The following CHAF1A variants were observed in gnomAD, a reference collection of about 807,000 sequenced individuals.
CHAF1A encodes the protein CAF-1 subunit A.
CHAF1A carries 5 observed loss-of-function variants against 93.2 expected under a neutral mutation model. The ratio of observed to expected loss-of-function variants is 0.05; its 90% CI spans 0.03 to 0.11. The LOEUF is 0.11. Ranked by LOEUF, CHAF1A falls within the 10% of genes least tolerant of loss-of-function variation. CHAF1A has a pLI of 1.00. For missense variants in CHAF1A, 1,102 were observed against 1,259.9 expected (o/e 0.87, Z 1.90); for synonymous variants, 504 against 510.3 (o/e 0.99, Z 0.17).
intron 13 of CHAF1A, among the ~76,000 whole-genome samples, chr19:4,435,954 C>T (rs1242474927): frequency 6.6e-6 from 1 of 152,138 alleles, no homozygotes; most frequent in Non-Finnish European, 1.5e-5. Context: ...TCCTGGCCAA[C>T]ATGGTGAAAC....
downstream of CHAF1A, chr19:4,447,892 G>A (rs954666465): frequency 1.1e-4 from 59 of 526,936 alleles, no homozygotes; most frequent in African/African-American, 9.0e-4. Context: ...TAACCACAGC[G>A]GTGGGGAAGC....
At chr19:4,419,481 G>T (rs1463887795) in intron 4 of CHAF1A, among the ~76,000 whole-genome samples, 2 of 151,946 alleles carry the variant, frequency 1.3e-5, no homozygotes, top group African/African-American at 4.8e-5. Flanking sequence ...CCAGGCTGGA[G>T]TGTAGTGGTG....
At chr19:4,423,202 T>C (rs1974021289) in intron 5 of CHAF1A, 133 bp from the exon 6 acceptor site, 3 of 1,334,676 alleles carry the variant, frequency 2.2e-6, no homozygotes, top group South Asian at 1.5e-5. Flanking sequence ...AAAAGCCTTA[T>C]ACTAGACATG....
rs1167540606 is a variant in CHAF1A at position 4,443,011 on chromosome 19, C to T, written c.2857C>T (p.Leu953=). 3 of 1,590,738 alleles carry T rather than the reference C, an allele frequency of 1.9e-6. No individual in the cohort carries two copies. Among genetic ancestry groups the T allele is most frequent in the Admixed American group, 1.8e-5 (1 of 56,170 alleles). The change falls in exon 15 of 15, where the codon CTG becomes TTG. Residue 953 remains leucine (L), a synonymous_variant. Transcript: ENST00000301280. ...TGKATLTASP[L]GAS ...CAAGGCCACCCTGACCGCGAGCCCA[C>T]TGGGTGCATCCTGAGAGCAGGGGTG...
chr19:4,426,860 G>T (rs1364757616), intron 7 of CHAF1A, among the ~76,000 whole-genome samples: 1 of 152,010 alleles, frequency 6.6e-6, no homozygotes, highest in Non-Finnish European at 1.5e-5. Flanking sequence ...GGAGGCCAAG[G>T]CGGGTGAATC....
chr19:4,446,583 G>C (rs747431889), downstream of CHAF1A: 3 of 1,612,648 alleles, frequency 1.9e-6, no homozygotes, highest in Non-Finnish European at 2.5e-6. Flanking sequence ...CCAGGGGCGA[G>C]GGCTGGAAGA....
Position 4,408,980 on chromosome 19 carries a change from G to A in CHAF1A, c.181G>A (p.Val61Met). The change falls in exon 3 of 15, where the codon GTG becomes ATG. Residue 61 changes from valine to methionine, a missense_variant. Val to Met is a conservative substitution (Grantham distance 21). Around this residue, in one of 6 missense-constraint regions of CHAF1A, gnomAD observed 379 missense variants for 365.7 expected, o/e 1.04. Transcript: ENST00000301280. Reference protein sequence around the residue: ...DDMSDDQGTSVQSKSPDLEAS... With the variant: ...DDMSDDQGTSMQSKSPDLEAS... ...CATGTCAGACGATCAGGGTACTTCT[G>A]TGCAAAGTAAAAGCCCCGATTTAGA... 1.9e-6 allele frequency: 3 copies of A among 1,614,186 alleles called. No individual in the cohort carries two copies. Among genetic ancestry groups the A allele is most frequent in the Non-Finnish European group, 2.5e-6 (3 of 1,180,048 alleles).
chr19:4,430,981 G>A (rs1258343679), intron 11 of CHAF1A: 9 of 263,698 alleles, frequency 3.4e-5, no homozygotes, highest in Non-Finnish European at 6.7e-5. Flanking sequence ...TAAGTGTTGA[G>A]TTTGATGACG....
chr19:4,439,795 C>A (rs1474195049), intron 13 of CHAF1A, among the ~76,000 whole-genome samples: 1 of 152,246 alleles, frequency 6.6e-6, no homozygotes, highest in African/African-American at 2.4e-5. Flanking sequence ...GTAATCCCAG[C>A]ACTTTGGGAG....
chr19:4,423,235 T>C lies in CHAF1A; in HGVS notation c.1248-100T>C, dbSNP rs1043215259. 16 of 1,514,020 alleles carry C rather than the reference T, an allele frequency of 1.1e-5. No homozygotes were observed. The South Asian group carries it at 1.4e-4, about 13-fold the overall frequency. 93.8% of individuals were successfully genotyped at this position (1,514,020 alleles called of 1,614,324 possible). A position where few individuals can be genotyped will look rare whatever the true frequency, so the allele number is the denominator to read the frequency against. On this transcript the variant is annotated intron_variant, in intron 5 of 14. Transcript: ENST00000301280. Reference sequence around the variant, plus strand: ...ATGAAAATAACTTATATTCATTTAATGTAAAATGAAATACTTGCCATATAC... The same window carrying C: ...ATGAAAATAACTTATATTCATTTAACGTAAAATGAAATACTTGCCATATAC...
chr19:4,407,327 C>A (rs1228430811), intron 2 of CHAF1A, among the ~76,000 whole-genome samples: 1 of 148,350 alleles, frequency 6.7e-6, no homozygotes, highest in Non-Finnish European at 1.5e-5. Flanking sequence ...AGTAAGTGAA[C>A]ATAGGTTCTT....
chr19:4,442,046 A>G (rs954210537), intron 13 of CHAF1A, among the ~76,000 whole-genome samples, 199 bp from the exon 14 acceptor site: 1 of 152,202 alleles, frequency 6.6e-6, no homozygotes, highest in African/African-American at 2.4e-5. Context: ...GGAACCCCCA[A>G]GGTTCTCTGG....
rs117998188 is a variant in CHAF1A at position 4,403,010 on chromosome 19, A to G, written c.52+196A>G. On this transcript the variant is annotated intron_variant, in intron 1 of 14. Coordinates refer to ENST00000301280, the MANE Select transcript of CHAF1A (RefSeq NM_005483.3). ...GCACCCTTGTTGACGTTATTGTTGT[A>G]GCCGCGACCATATTGTTTGTTTCCG... is the stretch of plus-strand genomic sequence containing the variant. Among the ~76,000 whole-genome samples, 393 of 152,310 alleles carry G rather than the reference A, an allele frequency of 2.6e-3. 2 individuals are homozygous for G. The highest frequency in any genetic ancestry group is 0.018 in the Admixed American group (283 of 15,304).
intron 14 of CHAF1A, 37 bp downstream of exon 14, chr19:4,442,378 G>A: frequency 6.7e-7 from 1 of 1,502,332 alleles, no homozygotes; most frequent in Non-Finnish European, 9.1e-7. Context: ...GCACTGGTGA[G>A]GTGGGCGCTG....
In CHAF1A at chr19:4,409,755, G is replaced by C; in HGVS notation, c.956G>C (p.Arg319Pro). The C allele has an allele frequency of 6.2e-7, 1 of 1,606,114 alleles. No individual in the cohort carries two copies. Among genetic ancestry groups the C allele is most frequent in the Non-Finnish European group, 8.5e-7 (1 of 1,174,768 alleles). Residue 319 changes from arginine to proline, a missense_variant, in exon 3 of 15, where the codon CGC becomes CCC. Around this residue, in one of 6 missense-constraint regions of CHAF1A, gnomAD observed 379 missense variants for 365.7 expected, o/e 1.04. Transcript: ENST00000301280. ...TSPFPTSTPL[R>P]RITKKFVKGS... ...CCCTTCCCCACCTCCACGCCCCTCC[G>C]CAGAGTGAGTATCTCCCATGGAGTC... is the stretch of plus-strand genomic sequence containing the variant.
At chr19:4,426,137 G>A (rs1188782298) in intron 7 of CHAF1A, among the ~76,000 whole-genome samples, 3 of 142,808 alleles carry the variant, frequency 2.1e-5, no homozygotes, top group African/African-American at 7.8e-5. Context: ...GTGATATTTC[G>A]TCTCAGCCTG....
intron 13 of CHAF1A, among the ~76,000 whole-genome samples, chr19:4,436,339 C>T (rs950319798): frequency 1.3e-5 from 2 of 152,200 alleles, no homozygotes; most frequent in Non-Finnish European, 2.9e-5. Context: ...GAAACTGTTC[C>T]TGGCACTCCC....
Position 4,442,935 on chromosome 19 carries a change from C to A in CHAF1A, c.2781C>A (p.Ala927=). The A allele has an allele frequency of 6.3e-7, 1 of 1,595,732 alleles. No individual in the cohort carries two copies. The highest frequency in any genetic ancestry group is 2.2e-5 in the East Asian group (1 of 44,534). ...VDVPDAAEVQ[A]PCGAASGAGG... ...TCTCTTGCCCTGCAGAGGTCCAAGCCCCGTGTGGAGCCGCTTCCGGAGCTG... is the reference window on the plus strand; with the variant it reads ...TCTCTTGCCCTGCAGAGGTCCAAGCACCGTGTGGAGCCGCTTCCGGAGCTG... The change falls in exon 15 of 15, where the codon GCC becomes GCA. Residue 927 remains alanine, a synonymous_variant. Transcript: ENST00000301280.
rs755251820 is a variant in CHAF1A at position 4,442,232 on chromosome 19, C to T, written c.2674-13C>T. ...GCCTGCAGTGCTGATGGCCGTGTAC[C>T]CTGTCTGTCCAGATTGGTGCTGAAG... On this transcript the variant is annotated splice_polypyrimidine_tract_variant and intron_variant, in intron 13 of 14. Coordinates refer to ENST00000301280, the MANE Select transcript of CHAF1A (RefSeq NM_005483.3). 7.4e-6 allele frequency: 12 copies of T among 1,613,068 alleles called. No individual in the cohort carries two copies. The East Asian group carries it at 2.0e-4, about 27-fold the overall frequency.
Sources: allele counts gnomAD v4.1 joint callset (sites outside exome capture counted in the v4.1 genomes callset), GRCh38; gene constraint gnomAD v4.1.1; regional missense constraint gnomAD v4.1.1; transcripts MANE v1.5; gene names NCBI Gene and HGNC (gene_info 2026-07-23, HGNC 2026-07-21).